Variants in AGK observed in about 807,000 individuals in gnomAD.
AGK encodes the protein acylglycerol kinase, mitochondrial.
Under a neutral mutation model 66.4 loss-of-function variants are expected in AGK, and 52 were observed. The observed-to-expected ratio is 0.78, with a 90% CI of 0.63 to 0.99. The LOEUF is 0.99. AGK is among the 50% of genes least tolerant of loss of function. The probability of loss-of-function intolerance (pLI) is 0.00; values close to 1 mark genes in which losing one functional copy is unlikely to be tolerated. For missense variants in AGK, 451 were observed against 506.6 expected, an observed-to-expected ratio of 0.89 and a Z score of 1.05; for synonymous variants, 182 against 181.1, an observed-to-expected ratio of 1.00 and a Z score of -0.04.
chr7:141,601,249 A>C lies in AGK; in HGVS notation c.266A>C (p.His89Pro). The change falls in exon 5 of 16, where the codon CAT (histidine) becomes CCT (proline). Residue 89 changes from histidine (H) to proline (P), a missense_variant. Coordinates refer to ENST00000649286, the MANE Select transcript of AGK (RefSeq NM_018238.4). ...LFEKNAAPIL[H>P]LSGMDVTIVK... is the part of the protein sequence containing the mutation. ...GAAAAAAATGCTGCCCCGATTTTAC[A>C]TTTATCTGGCATGGATGTGACTATT... 6.2e-7 allele frequency: 1 copy of C among 1,613,092 alleles called. No individual in the cohort carries two copies. The highest frequency in any genetic ancestry group is 8.5e-7 in the Non-Finnish European group (1 of 1,179,472).
At chr7:141,600,556 TAGTA>T (rs1796320539) in intron 4 of AGK, among the ~76,000 whole-genome samples, 1 of 152,190 alleles carries the variant, frequency 6.6e-6, no homozygotes, top group Non-Finnish European at 1.5e-5. Flanking sequence ...ATCAGATACT[TAGTA>T]AGTACTTTCT....
intron 9 of AGK, among the ~76,000 whole-genome samples, chr7:141,622,554 A>G (rs764780856): frequency 1.3e-5 from 2 of 152,150 alleles, no homozygotes; most frequent in South Asian, 2.1e-4. Flanking sequence ...TGATGTTACT[A>G]TTGTAATTGG....
intron 4 of AGK, among the ~76,000 whole-genome samples, 190 bp from the exon 5 acceptor site, chr7:141,601,015 G>T (rs1330762166): frequency 6.6e-6 from 1 of 152,114 alleles, no homozygotes; most frequent in African/African-American, 2.4e-5. Context: ...AAAGGCCCCA[G>T]AGTTTAAGGT....
At chr7:141,610,663 A>G (rs1422379056) in intron 5 of AGK, among the ~76,000 whole-genome samples, 2 of 152,230 alleles carry the variant, frequency 1.3e-5, no homozygotes, top group South Asian at 2.1e-4. Context: ...ATACTGCTTT[A>G]CAACTGGTTT....
chr7:141,573,185 G>C (rs917190057), intron 2 of AGK, among the ~76,000 whole-genome samples: 1 of 152,102 alleles, frequency 6.6e-6, no homozygotes, highest in African/African-American at 2.4e-5. Context: ...GTATTAATGG[G>C]TGCTATTTAA....
intron 8 of AGK, 77 bp from the exon 9 acceptor site, chr7:141,621,655 C>A: frequency 1.1e-6 from 1 of 894,684 alleles, no homozygotes; most frequent in Non-Finnish European, 1.9e-6. Context: ...TGTGTTTGTG[C>A]ATGAGTGCAT....
At chr7:141,596,446 C>T in intron 3 of AGK, 116 bp from the exon 4 acceptor site, 9 of 798,986 alleles carry the variant, frequency 1.1e-5, no homozygotes, top group South Asian at 1.7e-5. Context: ...AATATTTTTC[C>T]CCAAGGGTAG....
At chr7:141,589,301 A>G (rs1448582239) in intron 2 of AGK, among the ~76,000 whole-genome samples, 3 of 152,372 alleles carry the variant, frequency 2.0e-5, no homozygotes, top group East Asian at 3.9e-4. Flanking sequence ...TATGAAAACA[A>G]CTGCCATAGT....
In AGK at chr7:141,653,705, C is replaced by CAAAGT. The variant is rs1447974906; in HGVS notation, c.*783_*787dup. On this transcript the variant is annotated 3_prime_UTR_variant, in exon 16 of 16. Coordinates refer to ENST00000649286, the MANE Select transcript of AGK (RefSeq NM_018238.4). Reference sequence around the variant, plus strand: ...AATCGTGTTTTAAAGCAGTAGTCCACAAAGTATTCTGCTCATGTGCCCCCA... The same window carrying CAAAGT: ...AATCGTGTTTTAAAGCAGTAGTCCACAAAGTAAAGTATTCTGCTCATGTGCCCCCA... The CAAAGT allele has an allele frequency of 1.3e-5, 2 of 152,298 alleles. No individual in the cohort carries two copies. The highest frequency in any genetic ancestry group is 2.4e-5 in the African/African-American group (1 of 41,560). 9.4% of individuals were successfully genotyped at this position (152,298 alleles called of 1,614,324 possible).
At chr7:141,622,918 TA>T (rs35209238) in intron 9 of AGK, among the ~76,000 whole-genome samples, 132 of 143,194 alleles carry the variant, frequency 9.2e-4, no homozygotes, top group Middle Eastern at 3.7e-3. Context: ...GCTGGGCATT[TA>T]AAAAAAAAAA....
intron 9 of AGK, among the ~76,000 whole-genome samples, chr7:141,630,862 A>C (rs1797041539): frequency 6.6e-6 from 1 of 152,188 alleles, no homozygotes. Flanking sequence ...GGAACAACGG[A>C]AAGACTAGAC....
chr7:141,631,443 A>C (rs1218263786), intron 9 of AGK, among the ~76,000 whole-genome samples: 1 of 152,192 alleles, frequency 6.6e-6, no homozygotes, highest in Non-Finnish European at 1.5e-5. Context: ...ATTCCTAAGA[A>C]ATAATACAGT....
In AGK at chr7:141,551,439, G is replaced by A. The variant is rs910749902; in HGVS notation, c.-15+5G>A. ...CCGCGAGCTGGACCAGCCGTGGTGAGTGCAGCGGCGCCCAGGCGGGGAGCG... is the reference window on the plus strand; with the variant it reads ...CCGCGAGCTGGACCAGCCGTGGTGAATGCAGCGGCGCCCAGGCGGGGAGCG... On this transcript the variant is annotated splice_donor_5th_base_variant and intron_variant, in intron 1 of 15. Coordinates refer to ENST00000649286, the MANE Select transcript of AGK (RefSeq NM_018238.4). 1.3e-5 allele frequency: 2 copies of A among 152,952 alleles called. No individual in the cohort carries two copies. Among genetic ancestry groups the A allele is most frequent in the African/African-American group, 4.8e-5 (2 of 41,476 alleles). 9.5% of individuals were successfully genotyped at this position (152,952 alleles called of 1,614,324 possible).
intron 13 of AGK, among the ~76,000 whole-genome samples, chr7:141,646,139 C>G (rs1035187098): frequency 8.5e-5 from 13 of 152,080 alleles, no homozygotes; most frequent in Admixed American, 7.9e-4. Flanking sequence ...ATCAAGGCAG[C>G]TAGAATTGCA....
intron 6 of AGK, among the ~76,000 whole-genome samples, chr7:141,613,348 G>A (rs1403837961): frequency 6.6e-6 from 1 of 152,194 alleles, no homozygotes; most frequent in Non-Finnish European, 1.5e-5. Flanking sequence ...GCTGGGTGTG[G>A]TGGCTCATGC....
intron 2 of AGK, among the ~76,000 whole-genome samples, chr7:141,566,234 A>G (rs1167439871): frequency 6.6e-6 from 1 of 152,152 alleles, no homozygotes; most frequent in Non-Finnish European, 1.5e-5. Flanking sequence ...TTTTCTCCAT[A>G]GTACTATGAA....
intron 8 of AGK, among the ~76,000 whole-genome samples, chr7:141,616,612 C>CAT (rs1356939694): frequency 5.3e-5 from 8 of 152,128 alleles, no homozygotes; most frequent in East Asian, 1.9e-4. Flanking sequence ...GGCATACACA[C>CAT]ATATATATAT....
rs982267281 is a variant in AGK at position 141,595,643 on chromosome 7, G to T, written c.142-919G>T. Reference sequence around the variant, plus strand: ...TCCATACTAGAATTCTGCTTTGTTGGTTCAGGCCACCTCCCACCATTCAAG... The same window carrying T: ...TCCATACTAGAATTCTGCTTTGTTGTTTCAGGCCACCTCCCACCATTCAAG... On this transcript the variant is annotated intron_variant, in intron 3 of 15. Transcript: ENST00000649286. 5.3e-5 allele frequency among the ~76,000 whole-genome samples: 8 copies of T among 151,856 alleles called. 1 individual carries two copies. Among genetic ancestry groups the T allele is most frequent in the African/African-American group, 1.5e-4 (6 of 41,340 alleles).
At chr7:141,611,144 C>A in intron 5 of AGK, 51 bp from the exon 6 acceptor site, 1 of 1,250,026 alleles carries the variant, frequency 8.0e-7, no homozygotes, top group South Asian at 1.3e-5. Context: ...AAACCTTTAA[C>A]CTTGTGGCTC....
Sources: allele counts gnomAD v4.1 joint callset (sites outside exome capture counted in the v4.1 genomes callset), GRCh38; gene constraint gnomAD v4.1.1; transcripts MANE v1.5; gene names NCBI Gene and HGNC (gene_info 2026-07-23, HGNC 2026-07-21).